The following RASGEF1C variants were observed in gnomAD, a reference collection of about 807,000 sequenced individuals.
RASGEF1C encodes the protein ras-GEF domain-containing family member 1C.
RASGEF1C carries 27 observed loss-of-function variants against 58.1 expected under a neutral mutation model. The ratio of observed to expected loss-of-function variants is 0.46; its 90% CI spans 0.34 to 0.64. The LOEUF is 0.64. Among genes scored for constraint, RASGEF1C ranks in the 30% least tolerant of loss-of-function variants. The pLI is 0.01. For missense variants in RASGEF1C, 502 were observed against 605.1 expected (o/e 0.83, Z 1.79); for synonymous variants, 243 against 246.3 (o/e 0.99, Z 0.13).
intron 1 of RASGEF1C, among the ~76,000 whole-genome samples, chr5:180,183,023 T>A (rs1755936394): frequency 6.6e-6 from 1 of 152,210 alleles, no homozygotes; most frequent in Admixed American, 6.5e-5. Context: ...GTTTTGCAAG[T>A]TTAAGTAAAG....
At chr5:180,199,584 G>A (rs4292418) in intron 1 of RASGEF1C, among the ~76,000 whole-genome samples, 144,068 of 152,260 alleles carry the variant, frequency 0.95, 68,443 homozygotes, top group Non-Finnish European at 0.99. Flanking sequence ...GCTGGTGTGG[G>A]ACCGGAAGGC....
chr5:180,144,961 G>T (rs1766641199), intron 1 of RASGEF1C, among the ~76,000 whole-genome samples: 2 of 152,172 alleles, frequency 1.3e-5, no homozygotes, highest in Admixed American at 1.3e-4. Flanking sequence ...CACCACTGTT[G>T]TAACATGCGT....
chr5:180,103,131 G>T (rs546452322), intron 12 of RASGEF1C, among the ~76,000 whole-genome samples: 4 of 152,178 alleles, frequency 2.6e-5, no homozygotes, highest in Admixed American at 1.3e-4. Flanking sequence ...AGGCTGGAGT[G>T]CAGTGGCGCG....
intron 1 of RASGEF1C, among the ~76,000 whole-genome samples, chr5:180,152,641 C>A (rs1272043620): frequency 1.3e-5 from 2 of 149,958 alleles, no homozygotes; most frequent in South Asian, 2.1e-4. Flanking sequence ...TGCAGCACAC[C>A]AACATGGCAC....
chr5:180,155,693 G>A lies in RASGEF1C; in HGVS notation c.-6-17635C>T, dbSNP rs536140255. Among the ~76,000 whole-genome samples, 85 of 152,102 alleles carry A rather than the reference G, an allele frequency of 5.6e-4. No homozygotes were observed. Among genetic ancestry groups the A allele is most frequent in the African/African-American group, 1.7e-3 (71 of 41,490 alleles). On this transcript the variant is annotated intron_variant, in intron 1 of 13. Coordinates refer to ENST00000361132, the MANE Select transcript of RASGEF1C (RefSeq NM_175062.4). This position sits in a 1 kb window ranked among gnomAD's most constrained non-coding sequence, Gnocchi z 5.2. The stretch of plus-strand genomic sequence containing the variant: ...GGCAAGTCAGCCTCTCTCCCGCTCC[G>A]TCTTCCATCCTGTCCCTTACTCTTG...
At chr5:180,173,796 C>G (rs1481675151) in intron 1 of RASGEF1C, among the ~76,000 whole-genome samples, 1 of 151,896 alleles carries the variant, frequency 6.6e-6, no homozygotes, top group African/African-American at 2.4e-5. Context: ...GCCTGTAATC[C>G]CAGCTGCTAG....
intron 5 of RASGEF1C, 24 bp from the exon 6 acceptor site, chr5:180,127,707 G>A (rs1766287421): frequency 6.2e-7 from 1 of 1,607,156 alleles, no homozygotes; most frequent in Non-Finnish European, 8.5e-7. Flanking sequence ...TGAAGAGTGG[G>A]TAAAAGAGGG....
intron 1 of RASGEF1C, among the ~76,000 whole-genome samples, chr5:180,188,479 G>A (rs750011560): frequency 2.8e-4 from 43 of 152,300 alleles, no homozygotes; most frequent in African/African-American, 9.4e-4. Flanking sequence ...TCATAGATGC[G>A]AGAAAGCATT....
chr5:180,102,822 A>G (rs1361016363), intron 12 of RASGEF1C, among the ~76,000 whole-genome samples: 1 of 152,148 alleles, frequency 6.6e-6, no homozygotes, highest in Admixed American at 6.5e-5. Context: ...ATCAGCCTTA[A>G]CATCAAGCAG....
chr5:180,110,782 C>A (rs1227837240), intron 12 of RASGEF1C, among the ~76,000 whole-genome samples: 1 of 152,068 alleles, frequency 6.6e-6, no homozygotes, highest in Non-Finnish European at 1.5e-5. Context: ...CAGTGCTGTG[C>A]TTGGCACTCC....
chr5:180,207,852 T>A (rs1756516682), intron 1 of RASGEF1C, among the ~76,000 whole-genome samples: 1 of 152,054 alleles, frequency 6.6e-6, no homozygotes, highest in Non-Finnish European at 1.5e-5. Flanking sequence ...ACAGCCTCCC[T>A]GACCAGACGA....
chr5:180,185,039 T>G (rs1284607447), intron 1 of RASGEF1C, among the ~76,000 whole-genome samples: 1 of 152,194 alleles, frequency 6.6e-6, no homozygotes, highest in Admixed American at 6.5e-5. Flanking sequence ...ACACCTGTAA[T>G]CCCAGCACTT....
At chr5:180,126,845 G>A (rs183307299) in intron 6 of RASGEF1C, among the ~76,000 whole-genome samples, 1 of 152,186 alleles carries the variant, frequency 6.6e-6, no homozygotes, top group African/African-American at 2.4e-5. Context: ...TTGGGGTCAA[G>A]AAAGTCCATT....
rs1456299708 is a variant in RASGEF1C, at chr5:180,168,779, G to A, written c.-6-30721C>T. On this transcript the variant is annotated intron_variant, in intron 1 of 13. Coordinates refer to ENST00000361132, the MANE Select transcript of RASGEF1C (RefSeq NM_175062.4). This position sits in a 1 kb window ranked among gnomAD's most constrained non-coding sequence, Gnocchi z 6.0. ...TACTTGTGGGCTGGGGTATGAGAGA[G>A]CAAAGATTTTTAAAATGGATTTTCT... Among the ~76,000 whole-genome samples the A allele has an allele frequency of 6.6e-6, 1 of 152,182 alleles. No homozygotes were observed. The highest frequency in any genetic ancestry group is 1.9e-4 in the East Asian group (1 of 5,184).
chr5:180,127,720 G>A, intron 5 of RASGEF1C, 37 bp from the exon 6 acceptor site: 1 of 1,595,536 alleles, frequency 6.3e-7, no homozygotes, highest in Non-Finnish European at 8.5e-7. Context: ...AAAGAGGGAA[G>A]GTATGGGGAG....
intron 5 of RASGEF1C, among the ~76,000 whole-genome samples, chr5:180,127,910 TGCTATGAGGCGTGAC>T (rs1250900399): frequency 6.6e-6 from 1 of 152,096 alleles, no homozygotes; most frequent in Non-Finnish European, 1.5e-5. Context: ...CAGGGAGCAA[TGCTATGAGGCGTGAC>T]GCCCAGGGAA....
intron 1 of RASGEF1C, among the ~76,000 whole-genome samples, chr5:180,199,040 T>A (rs975835712): frequency 2.6e-5 from 4 of 152,044 alleles, no homozygotes; most frequent in African/African-American, 9.7e-5. Flanking sequence ...AGGCCCCTAG[T>A]GGTCTCAGCC....
chr5:180,116,014 C>T (rs1055262884), intron 10 of RASGEF1C, among the ~76,000 whole-genome samples: 5 of 152,078 alleles, frequency 3.3e-5, no homozygotes, highest in Admixed American at 1.3e-4. Context: ...TGTGGGACTC[C>T]GCACACAGAG....
intron 1 of RASGEF1C, among the ~76,000 whole-genome samples, chr5:180,174,628 G>A (rs4700906): frequency 6.7e-6 from 1 of 150,304 alleles, no homozygotes; most frequent in Non-Finnish European, 1.5e-5. Flanking sequence ...CTGTGTGTGT[G>A]TGTGTGTGTG....
Sources: gnomAD v4.1 joint callset for allele counts (sites outside exome capture counted in the v4.1 genomes callset) on GRCh38, gnomAD v4.1.1 for gene constraint, Gnocchi (gnomAD v3.1) non-coding constraint, MANE v1.5 for transcripts, NCBI Gene and HGNC (gene_info 2026-07-23, HGNC 2026-07-21) for gene names.